Variants in ZNF408 observed in about 807,000 individuals in gnomAD.
ZNF408 encodes the protein zinc finger protein 408.
Under a neutral mutation model 27.6 loss-of-function variants are expected in ZNF408, and 24 were observed. The observed-to-expected ratio is 0.87, with a 90% CI of 0.63 to 1.22. The LOEUF (loss-of-function observed/expected upper bound fraction) is 1.22, where lower values mean the gene tolerates loss of function less well. ZNF408 is among the 50% of genes most tolerant of loss of function. The pLI, the probability that ZNF408 is intolerant of heterozygous loss-of-function variation, is 0.00. For synonymous variants in ZNF408, 410 were observed against 396.1 expected (o/e 1.04, Z -0.42); for missense variants, 897 against 949.0 (o/e 0.95, Z 0.72).
In ZNF408 at chr11:46,704,814, G is replaced by A. The variant is rs141624151; in HGVS notation, c.1114G>A (p.Ala372Thr). The A allele has an allele frequency of 8.1e-5, 129 of 1,599,914 alleles. No individual in the cohort carries two copies. In the African/African-American group the frequency reaches 1.5e-3, roughly 19 times the overall value. ...ACAGCTGTGCCACCTAAAGAAGCAC[G>A]CATTTGTGCACACGGGCCACAAGCC... Reference protein sequence around the residue: ...FLQLCHLKKHAFVHTGHKPFL... With the variant: ...FLQLCHLKKHTFVHTGHKPFL... The change falls in exon 5 of 5, where the codon GCA (alanine) becomes ACA (threonine). Residue 372 changes from alanine (A) to threonine (T), a missense_variant. Physicochemically the swap from Ala to Thr is moderately conservative, Grantham distance 58. Coordinates refer to ENST00000311764, the MANE Select transcript of ZNF408 (RefSeq NM_024741.3).
chr11:46,701,137 C>T (rs1041179706), intron 1 of ZNF408, 38 bp downstream of exon 1: 1 of 1,613,816 alleles, frequency 6.2e-7, no homozygotes, highest in Non-Finnish European at 8.5e-7. Flanking sequence ...TCAACCTTGG[C>T]CCAGGTGGAT....
chr11:46,702,657 C>T (rs182503113), intron 2 of ZNF408, 47 bp from the exon 3 acceptor site: 47 of 1,581,850 alleles, frequency 3.0e-5, no homozygotes, highest in African/African-American at 2.7e-4. Context: ...TATTCCTACC[C>T]GACCCCTCGA....
At chr11:46,702,297 G>A (rs1407031307) in intron 2 of ZNF408, among the ~76,000 whole-genome samples, 1 of 152,192 alleles carries the variant, frequency 6.6e-6, no homozygotes, top group Admixed American at 6.5e-5. Context: ...GTTTCACCAT[G>A]TTGGTGAGGC....
Position 46,704,942 on chromosome 11 carries a change from C to T in ZNF408, c.1242C>T (p.Cys414=), listed in dbSNP as rs369874835. 6.1e-5 allele frequency: 98 copies of T among 1,613,530 alleles called. 3 individuals are homozygous for T. In the South Asian group the frequency reaches 7.8e-4, roughly 13 times the overall value. Residue 414 remains cysteine, a synonymous_variant, in exon 5 of 5, where the codon TGC becomes TGT. Coordinates refer to ENST00000311764, the MANE Select transcript of ZNF408 (RefSeq NM_024741.3). ...TGCGGCCCTTCCCCTGTCCACAATG[C>T]GACAAGGCCTATGGCACCCAGCGAG... is the stretch of plus-strand genomic sequence containing the variant. The part of the protein sequence containing the change: ...RGVRPFPCPQ[C]DKAYGTQRDL...
intron 4 of ZNF408, 88 bp from the exon 5 acceptor site, chr11:46,704,265 T>A: frequency 7.2e-7 from 1 of 1,397,762 alleles, no homozygotes; most frequent in Non-Finnish European, 9.7e-7. Flanking sequence ...AGGGGCTGGG[T>A]GGGAGAAAAC....
chr11:46,705,282 C>T lies in ZNF408; in HGVS notation c.1582C>T (p.His528Tyr), dbSNP rs776806443. The change falls in exon 5 of 5, where the codon CAC (histidine) becomes TAC (tyrosine). Residue 528 changes from histidine to tyrosine, a missense_variant. His to Tyr is a moderately conservative substitution (Grantham distance 83, BLOSUM62 2). Coordinates refer to ENST00000311764, the MANE Select transcript of ZNF408 (RefSeq NM_024741.3). The surrounding 1 kb of genome is among the most constrained non-coding windows in gnomAD (Gnocchi z 6.5). ...HTGERPYRCP[H>Y]CADAFPQLPE... is the part of the protein sequence containing the mutation. ...CGGGGAGCGTCCTTACCGCTGCCCA[C>T]ACTGTGCCGATGCCTTCCCCCAGCT... The T allele has an allele frequency of 1.2e-6, 2 of 1,612,114 alleles. No homozygotes were observed. Among genetic ancestry groups the T allele is most frequent in the African/African-American group, 1.3e-5 (1 of 74,924 alleles).
chr11:46,702,617 C>T (rs2134506988), intron 2 of ZNF408, 87 bp from the exon 3 acceptor site: 1 of 1,363,096 alleles, frequency 7.3e-7, no homozygotes, highest in Non-Finnish European at 1.0e-6. Context: ...TTAAATTTGT[C>T]CCAGGAAAGT....
At position 46,705,047 on chromosome 11, in the gene ZNF408, G is replaced by T; in HGVS notation, c.1347G>T (p.Arg449=). ...CDQCGKAFAR[R]PSLRLHRKTH... ...AGTGTGGCAAGGCCTTTGCCCGCCG[G>T]CCCTCCCTGCGGCTGCATCGCAAGA... is the stretch of plus-strand genomic sequence containing the variant. Residue 449 remains arginine (R), a synonymous_variant, in exon 5 of 5, where the codon CGG becomes CGT. Transcript: ENST00000311764. This position sits in a 1 kb window ranked among gnomAD's most constrained non-coding sequence, Gnocchi z 6.5. The T allele has an allele frequency of 6.2e-7, 1 of 1,612,896 alleles. No individual in the cohort carries two copies. The highest frequency in any genetic ancestry group is 1.7e-5 in the Admixed American group (1 of 60,014).
chr11:46,704,801 C>G lies in ZNF408; in HGVS notation c.1101C>G (p.His367Gln). 1 of 1,598,974 alleles carries G rather than the reference C, an allele frequency of 6.3e-7. No homozygotes were observed. ...GCAAGGCATTCCTACAGCTGTGCCA[C>G]CTAAAGAAGCACGCATTTGTGCACA... ...ECGKAFLQLC[H>Q]LKKHAFVHTG... Residue 367 changes from histidine to glutamine, a missense_variant, in exon 5 of 5, where the codon CAC (histidine) becomes CAG (glutamine). Coordinates refer to ENST00000311764, the MANE Select transcript of ZNF408 (RefSeq NM_024741.3).
chr11:46,705,851 GA>G lies in ZNF408; in HGVS notation c.2152del (p.Met718TrpfsTer10). The G allele has an allele frequency of 6.2e-7, 1 of 1,611,592 alleles. No homozygotes were observed. The highest frequency in any genetic ancestry group is 1.1e-5 in the South Asian group (1 of 90,658). On this transcript the variant is annotated frameshift_variant, in exon 5 of 5. Coordinates refer to ENST00000311764, the MANE Select transcript of ZNF408 (RefSeq NM_024741.3). LOFTEE classifies it high-confidence loss of function. This position sits in a 1 kb window ranked among gnomAD's most constrained non-coding sequence, Gnocchi z 6.5. ...CCTGGGCAGAGGTGGTGGAGGTGGA[GA>G]TGGGCACCTGACAGCTTTGCCTTTT... ...GAWAEVVEVE[M>X]GT
Position 46,705,506 on chromosome 11 carries a change from G to A in ZNF408, c.1806G>A (p.Leu602=). ...TGCGGCGCCACCTCAAATCTCACTTGGAGGACAAGCCCTACCGCTGCCCCA... is the reference window on the plus strand; with the variant it reads ...TGCGGCGCCACCTCAAATCTCACTTAGAGGACAAGCCCTACCGCTGCCCCA... ...TKLRRHLKSH[L]EDKPYRCPTC... The change falls in exon 5 of 5, where the codon TTG becomes TTA. Residue 602 remains leucine, a synonymous_variant. Transcript: ENST00000311764. The surrounding 1 kb of genome is among the most constrained non-coding windows in gnomAD (Gnocchi z 6.5). 1 of 1,605,434 alleles carries A rather than the reference G, an allele frequency of 6.2e-7. No homozygotes were observed. The highest frequency in any genetic ancestry group is 8.5e-7 in the Non-Finnish European group (1 of 1,179,972).
At chr11:46,701,814 G>C (rs2064710435) in intron 2 of ZNF408, 138 bp downstream of exon 2, 1 of 1,123,064 alleles carries the variant, frequency 8.9e-7, no homozygotes, top group Admixed American at 3.0e-5. Context: ...CTTCAGGACT[G>C]TCTCCTCTCA....
Position 46,705,314 on chromosome 11 carries a change from A to G in ZNF408, c.1614A>G (p.Glu538=). 1 of 1,611,740 alleles carries G rather than the reference A, an allele frequency of 6.2e-7. No homozygotes were observed. Among genetic ancestry groups the G allele is most frequent in the Non-Finnish European group, 8.5e-7 (1 of 1,179,892 alleles). ...CCGATGCCTTCCCCCAGCTGCCTGA[A>G]CTGCGGCGCCATCTCATCTCACACA... The part of the protein sequence containing the change: ...HCADAFPQLP[E]LRRHLISHTG... Residue 538 remains glutamate (E), a synonymous_variant, in exon 5 of 5, where the codon GAA becomes GAG. Transcript: ENST00000311764. The surrounding 1 kb of genome is among the most constrained non-coding windows in gnomAD (Gnocchi z 6.5).
At chr11:46,701,238 A>C in intron 1 of ZNF408, 139 bp downstream of exon 1, 1 of 1,556,422 alleles carries the variant, frequency 6.4e-7, no homozygotes, top group Non-Finnish European at 8.8e-7. Flanking sequence ...GGGCTTCTGA[A>C]GAGCCCTTGA....
rs201135086 is a variant in ZNF408 at position 46,705,319 on chromosome 11, G to A, written c.1619G>A (p.Arg540Gln). ...ADAFPQLPEL[R>Q]RHLISHTGEA... Reference sequence around the variant, plus strand: ...GCCTTCCCCCAGCTGCCTGAACTGCGGCGCCATCTCATCTCACACACCGGG... The same window carrying A: ...GCCTTCCCCCAGCTGCCTGAACTGCAGCGCCATCTCATCTCACACACCGGG... Residue 540 changes from arginine to glutamine, a missense_variant, in exon 5 of 5, where the codon CGG (arginine) becomes CAG (glutamine). Arg to Gln is a conservative substitution (Grantham distance 43). Transcript: ENST00000311764. The surrounding 1 kb of genome is among the most constrained non-coding windows in gnomAD (Gnocchi z 6.5). 6.1e-5 allele frequency: 98 copies of A among 1,611,780 alleles called. No homozygotes were observed. The highest frequency in any genetic ancestry group is 7.6e-5 in the Non-Finnish European group (90 of 1,179,922).
At chr11:46,701,966 C>T (rs57739486) in intron 2 of ZNF408, 43,058 of 312,658 alleles carry the variant, frequency 0.14, 3,109 homozygotes, top group Middle Eastern at 0.18. Flanking sequence ...TGTCACCTAG[C>T]TGGTTAAATT....
chr11:46,705,587 C>T lies in ZNF408; in HGVS notation c.1887C>T (p.His629=), dbSNP rs2064746138. Reference sequence around the variant, plus strand: ...GCCTCAGGCGGCATCAGCTCAGTCACCGGCCTGAGGCACCCTGCAGCCCAC... The same window carrying T: ...GCCTCAGGCGGCATCAGCTCAGTCATCGGCCTGAGGCACCCTGCAGCCCAC... The part of the protein sequence containing the change: ...PQSLRRHQLS[H]RPEAPCSPPS... The change falls in exon 5 of 5, where the codon CAC becomes CAT. Residue 629 remains histidine, a synonymous_variant. Coordinates refer to ENST00000311764, the MANE Select transcript of ZNF408 (RefSeq NM_024741.3). The surrounding 1 kb of genome is among the most constrained non-coding windows in gnomAD (Gnocchi z 6.5). The T allele has an allele frequency of 2.5e-6, 4 of 1,608,398 alleles. No individual in the cohort carries two copies. Among genetic ancestry groups the T allele is most frequent in the Non-Finnish European group, 3.4e-6 (4 of 1,180,020 alleles).
In ZNF408 at chr11:46,705,263, G is replaced by A. The variant is rs1322154011; in HGVS notation, c.1563G>A (p.Glu521=). The A allele has an allele frequency of 6.2e-7, 1 of 1,612,048 alleles. No individual in the cohort carries two copies. The highest frequency in any genetic ancestry group is 8.5e-7 in the Non-Finnish European group (1 of 1,179,906). The part of the protein sequence containing the change: ...LRGHLRLHTG[E]RPYRCPHCAD... ...GGCATTTGCGGCTCCACACCGGGGAGCGTCCTTACCGCTGCCCACACTGTG... is the reference window on the plus strand; with the variant it reads ...GGCATTTGCGGCTCCACACCGGGGAACGTCCTTACCGCTGCCCACACTGTG... The change falls in exon 5 of 5, where the codon GAG becomes GAA. Residue 521 remains glutamate (E), a synonymous_variant. Coordinates refer to ENST00000311764, the MANE Select transcript of ZNF408 (RefSeq NM_024741.3). The surrounding 1 kb of genome is among the most constrained non-coding windows in gnomAD (Gnocchi z 6.5).
rs768029474 is a variant in ZNF408 at position 46,703,177 on chromosome 11, G to A, written c.586G>A (p.Glu196Lys). Residue 196 changes from glutamate (E) to lysine (K), a missense_variant, in exon 4 of 5, where the codon GAA becomes AAA. Transcript: ENST00000311764. ...AGAGGCAGCTGTAGCAGTGGTGACA[G>A]AAGTGGAGTCTGCTGTACAGCAGGA... ...DKEAAVAVVT[E>K]VESAVQQEVA... 1.8e-5 allele frequency: 21 copies of A among 1,156,082 alleles called. No homozygotes were observed. Among genetic ancestry groups the A allele is most frequent in the Admixed American group, 3.7e-5 (1 of 27,146 alleles). 71.6% of individuals were successfully genotyped at this position (1,156,082 alleles called of 1,614,324 possible). A position where few individuals can be genotyped will look rare whatever the true frequency, so the allele number is the denominator to read the frequency against.
Sources: allele counts gnomAD v4.1 joint callset (sites outside exome capture counted in the v4.1 genomes callset), GRCh38; gene constraint gnomAD v4.1.1; non-coding constraint Gnocchi (gnomAD v3.1); transcripts MANE v1.5; gene names NCBI Gene and HGNC (gene_info 2026-07-23, HGNC 2026-07-21).